Variants in NAALADL2 observed in about 807,000 individuals in gnomAD.
NAALADL2 encodes the protein N-acetylated alpha-linked acidic dipeptidase like 2.
A neutral mutation model predicts 87.2 loss-of-function variants in NAALADL2; 76 were observed. The ratio of observed to expected loss-of-function variants is 0.87; its 90% confidence interval spans 0.72 to 1.05. The LOEUF is 1.05. Among genes scored for constraint, NAALADL2 ranks in the 50% least tolerant of loss-of-function variants. The pLI is 0.00. For synonymous variants in NAALADL2, 354 were observed against 331.0 expected, an observed-to-expected ratio of 1.07 and a Z score of -0.75; for missense variants, 1,089 against 945.8, an observed-to-expected ratio of 1.15 and a Z score of -1.99.
intron 4 of NAALADL2, among the ~76,000 whole-genome samples, chr3:175,290,326 G>T (rs139790403): frequency 1.0e-3 from 153 of 152,252 alleles, no homozygotes; most frequent in Middle Eastern, 3.4e-3. Context: ...GAATGTGAAT[G>T]AAAATGAGAC....
At chr3:174,881,010 C>CTT (rs1163568134) in intron 1 of NAALADL2, among the ~76,000 whole-genome samples, 1 of 152,072 alleles carries the variant, frequency 6.6e-6, no homozygotes, top group Non-Finnish European at 1.5e-5. Flanking sequence ...TTATCTGGGT[C>CTT]TTAACTCTCC....
chr3:174,755,240 T>C (rs1711884637), intron 3 of NAALADL2, among the ~76,000 whole-genome samples: 1 of 152,206 alleles, frequency 6.6e-6, no homozygotes, highest in Non-Finnish European at 1.5e-5. Context: ...TCTGCCGTAA[T>C]TGTAAGTTTC....
intron 9 of NAALADL2, among the ~76,000 whole-genome samples, chr3:175,515,182 T>C (rs149233062): frequency 7.9e-4 from 121 of 152,332 alleles, no homozygotes; most frequent in Middle Eastern, 3.4e-3. Flanking sequence ...TGTAGAAAGC[T>C]AAAGTAATGT....
intron 2 of NAALADL2, among the ~76,000 whole-genome samples, chr3:174,688,725 G>A (rs1477850778): frequency 1.3e-5 from 2 of 150,458 alleles, no homozygotes; most frequent in Non-Finnish European, 3.0e-5. Context: ...AAATAAAATA[G>A]CAATTGTATT....
Position 175,461,991 on chromosome 3 carries a change from G to C in NAALADL2, c.1235-1410G>C, listed in dbSNP as rs1335437683. ...GAGGTGGTGCACAGGGGATTTTAGA[G>C]TAGTGAAGCTATCCCGTATGATACT... On this transcript the variant is annotated intron_variant, in intron 6 of 13. Transcript: ENST00000454872. Among the ~76,000 whole-genome samples, 3 of 152,256 alleles carry C rather than the reference G, an allele frequency of 2.0e-5. No individual in the cohort carries two copies. In the East Asian group the frequency reaches 5.8e-4, roughly 29 times the overall value.
intron 2 of NAALADL2, among the ~76,000 whole-genome samples, chr3:174,625,522 TA>T (rs528319891): frequency 1.1e-4 from 16 of 150,444 alleles, no homozygotes; most frequent in African/African-American, 1.9e-4. Flanking sequence ...AACACTAACC[TA>T]AAAAAAAATC....
chr3:175,665,635 T>A (rs1732855740), intron 11 of NAALADL2, among the ~76,000 whole-genome samples: 1 of 151,916 alleles, frequency 6.6e-6, no homozygotes, highest in South Asian at 2.1e-4. Flanking sequence ...ATCTTAACAT[T>A]AAAAAAAATG....
intron 2 of NAALADL2, among the ~76,000 whole-genome samples, chr3:175,123,838 C>G (rs918328968): frequency 5.9e-5 from 9 of 151,960 alleles, no homozygotes; most frequent in Admixed American, 5.9e-4. Context: ...CTTAAGCATT[C>G]TTGATTATCA....
intron 11 of NAALADL2, among the ~76,000 whole-genome samples, chr3:175,706,683 T>C (rs1739775214): frequency 6.6e-6 from 1 of 152,174 alleles, no homozygotes; most frequent in Non-Finnish European, 1.5e-5. Flanking sequence ...TTGACCAACC[T>C]AAATTCTAGA....
chr3:174,811,070 C>T (rs1334864352), intron 3 of NAALADL2, among the ~76,000 whole-genome samples: 5 of 152,174 alleles, frequency 3.3e-5, no homozygotes, highest in Admixed American at 2.0e-4. Flanking sequence ...AATTAGGAGC[C>T]TCCACCTAGA....
At chr3:174,463,278 C>T (rs150740277) in intron 1 of NAALADL2, among the ~76,000 whole-genome samples, 1 of 152,216 alleles carries the variant, frequency 6.6e-6, no homozygotes, top group East Asian at 1.9e-4. Context: ...TTTTGTCCTG[C>T]TATGTAGAAA....
At chr3:174,863,387 G>A (rs1191764263) in intron 1 of NAALADL2, among the ~76,000 whole-genome samples, 1 of 152,008 alleles carries the variant, frequency 6.6e-6, no homozygotes, top group African/African-American at 2.4e-5. Context: ...GCTTATTATG[G>A]AACCTGTCCA....
At chr3:175,234,272 A>G in intron 3 of NAALADL2, 68 bp downstream of exon 3, 2 of 1,492,626 alleles carry the variant, frequency 1.3e-6, no homozygotes, top group Non-Finnish European at 1.8e-6. Context: ...TTTCATCTAA[A>G]TTGAACTAAC....
At chr3:174,503,703 A>T (rs955391621) in intron 1 of NAALADL2, among the ~76,000 whole-genome samples, 1 of 152,152 alleles carries the variant, frequency 6.6e-6, no homozygotes, top group Non-Finnish European at 1.5e-5. Context: ...AATTTAGAAC[A>T]AAGGAAATGA....
intron 1 of NAALADL2, among the ~76,000 whole-genome samples, chr3:175,002,791 C>T (rs989626728): frequency 1.3e-5 from 2 of 152,114 alleles, no homozygotes; most frequent in African/African-American, 2.4e-5. Flanking sequence ...TATTATTGCC[C>T]TGGAAAGACA....
At chr3:174,738,647 G>T (rs1733459559) in intron 3 of NAALADL2, among the ~76,000 whole-genome samples, 2 of 151,840 alleles carry the variant, frequency 1.3e-5, no homozygotes, top group South Asian at 4.2e-4. Context: ...GAGGGGGGAG[G>T]GTTGAATTTG....
At chr3:174,702,455 T>TCAG (rs1729648606) in intron 2 of NAALADL2, among the ~76,000 whole-genome samples, 1 of 152,150 alleles carries the variant, frequency 6.6e-6, no homozygotes, top group Admixed American at 6.5e-5. Flanking sequence ...CTGCTCTCAA[T>TCAG]CAGCAGGTAC....
At chr3:174,822,639 A>G (rs565812353) in intron 3 of NAALADL2, among the ~76,000 whole-genome samples, 17 of 152,272 alleles carry the variant, frequency 1.1e-4, no homozygotes, top group African/African-American at 3.8e-4. Flanking sequence ...TATGTAATAT[A>G]TGATGTATAT....
intron 3 of NAALADL2, among the ~76,000 whole-genome samples, chr3:174,837,061 G>C (rs1388185288): frequency 6.6e-6 from 1 of 151,874 alleles, no homozygotes; most frequent in Non-Finnish European, 1.5e-5. Flanking sequence ...AAAGAACACA[G>C]ACAATCTAAG....
Sources: gnomAD v4.1 joint callset for allele counts (sites outside exome capture counted in the v4.1 genomes callset) on GRCh38, gnomAD v4.1.1 for gene constraint, MANE v1.5 for transcripts, NCBI Gene and HGNC (gene_info 2026-07-23, HGNC 2026-07-21) for gene names.